The following MAD1L1 variants were observed in gnomAD, a reference collection of about 807,000 sequenced individuals.
MAD1L1 encodes the protein mitotic spindle assembly checkpoint protein MAD1.
MAD1L1 carries 95 observed loss-of-function variants against 96.9 expected under a neutral mutation model. The observed-to-expected ratio is 0.98, with a 90% CI of 0.83 to 1.16. MAD1L1 has a LOEUF of 1.16. MAD1L1 is among the 50% of genes most tolerant of loss of function. The pLI is 0.00. For missense variants in MAD1L1, 1,007 were observed against 954.4 expected (o/e 1.06, Z -0.73); for synonymous variants, 473 against 396.6 (o/e 1.19, Z -2.29).
intron 17 of MAD1L1, among the ~76,000 whole-genome samples, chr7:1,911,563 G>A (rs1200603153): frequency 6.6e-6 from 1 of 152,210 alleles, no homozygotes; most frequent in East Asian, 1.9e-4. Flanking sequence ...AATGTGGCGG[G>A]CACATTTGCC....
At chr7:2,125,401 G>A (rs1409401230) in intron 11 of MAD1L1, among the ~76,000 whole-genome samples, 1 of 152,172 alleles carries the variant, frequency 6.6e-6, no homozygotes, top group Non-Finnish European at 1.5e-5. Context: ...GGCCCCATGT[G>A]TCCCCCGGGC....
chr7:2,098,057 G>A (rs569732614), intron 11 of MAD1L1, among the ~76,000 whole-genome samples: 1 of 152,228 alleles, frequency 6.6e-6, no homozygotes, highest in Admixed American at 6.5e-5. Flanking sequence ...AATCACTCAT[G>A]CGGCGGCTCC....
intron 14 of MAD1L1, among the ~76,000 whole-genome samples, chr7:1,985,972 G>A (rs1781121963): frequency 6.6e-6 from 1 of 152,170 alleles, no homozygotes. Flanking sequence ...AATGTCCACC[G>A]TTTTTCTGTG....
intron 10 of MAD1L1, among the ~76,000 whole-genome samples, chr7:2,161,335 G>A (rs996986025): frequency 5.3e-5 from 8 of 152,032 alleles, no homozygotes; most frequent in South Asian, 4.2e-4. Context: ...CTCAGCTCCT[G>A]ACCGCGAGTG....
intron 11 of MAD1L1, chr7:2,079,745 C>G: frequency 2.1e-6 from 1 of 470,960 alleles, no homozygotes; most frequent in Non-Finnish European, 4.4e-6. Context: ...TGGGGAGCCC[C>G]GGCAAGCACG....
chr7:1,815,905 G>C lies in MAD1L1; in HGVS notation c.*165C>G. On this transcript the variant is annotated 3_prime_UTR_variant, in exon 19 of 19. Coordinates refer to ENST00000265854, the MANE Select transcript of MAD1L1 (RefSeq NM_001013836.2). ...TCTGCACGTGGAGAGGGTGCTGGCC[G>C]CCCCAGCAGGAAGCCCGACGTAGGT... is the stretch of plus-strand genomic sequence containing the variant. 1.3e-6 allele frequency: 1 copy of C among 794,410 alleles called. No homozygotes were observed. Among genetic ancestry groups the C allele is most frequent in the South Asian group, 1.9e-5 (1 of 53,232 alleles). The allele number at this position is 794,410 out of a possible 1,614,324, so 49.2% of individuals were successfully genotyped here.
At chr7:1,970,113 T>C (rs764303974) in intron 15 of MAD1L1, among the ~76,000 whole-genome samples, 1 of 152,102 alleles carries the variant, frequency 6.6e-6, no homozygotes, top group South Asian at 2.1e-4. Flanking sequence ...AAAGACTGCA[T>C]GTTGTAGGAC....
intron 11 of MAD1L1, among the ~76,000 whole-genome samples, chr7:2,084,797 G>A (rs576110884): frequency 3.3e-5 from 5 of 152,198 alleles, no homozygotes; most frequent in Non-Finnish European, 5.9e-5. Context: ...AAAAAGGAAG[G>A]AGCCGTGACA....
chr7:1,886,096 G>A (rs1786005737), intron 18 of MAD1L1, among the ~76,000 whole-genome samples: 1 of 152,224 alleles, frequency 6.6e-6, no homozygotes, highest in Non-Finnish European at 1.5e-5. Flanking sequence ...GAGACCCGTG[G>A]GCATGTTTAC....
chr7:1,895,110 C>CA (rs1786785292), intron 18 of MAD1L1, among the ~76,000 whole-genome samples: 1 of 152,244 alleles, frequency 6.6e-6, no homozygotes, highest in African/African-American at 2.4e-5. Context: ...AAGGTGTCTA[C>CA]AAGCGAGCTG....
chr7:1,957,471 C>T (rs2128473960), intron 16 of MAD1L1, among the ~76,000 whole-genome samples, 158 bp downstream of exon 16: 1 of 152,342 alleles, frequency 6.6e-6, no homozygotes, highest in South Asian at 2.1e-4. Context: ...GGCATGGCCT[C>T]CCTGCCAGGC....
At chr7:1,907,425 A>G (rs192696275) in intron 17 of MAD1L1, among the ~76,000 whole-genome samples, 149 of 152,330 alleles carry the variant, frequency 9.8e-4, no homozygotes, top group African/African-American at 3.1e-3. Flanking sequence ...CAGTTAACCA[A>G]TGTTGGGATT....
At chr7:2,196,896 C>T (rs1344642906) in intron 10 of MAD1L1, among the ~76,000 whole-genome samples, 1 of 152,234 alleles carries the variant, frequency 6.6e-6, no homozygotes, top group Non-Finnish European at 1.5e-5. Context: ...CCTCCCCACA[C>T]TTCGGGGCTG....
At chr7:1,924,198 G>C (rs1351660300) in intron 17 of MAD1L1, among the ~76,000 whole-genome samples, 1 of 152,232 alleles carries the variant, frequency 6.6e-6, no homozygotes, top group African/African-American at 2.4e-5. Context: ...ACTTTTCACA[G>C]TATCTTAGAG....
chr7:2,141,360 C>T (rs1395913328), intron 11 of MAD1L1, among the ~76,000 whole-genome samples: 1 of 152,262 alleles, frequency 6.6e-6, no homozygotes, highest in African/African-American at 2.4e-5. Flanking sequence ...GGGCTGGACC[C>T]CCTCTCAGGA....
At chr7:1,910,419 G>A (rs1344600507) in intron 17 of MAD1L1, among the ~76,000 whole-genome samples, 1 of 152,364 alleles carries the variant, frequency 6.6e-6, no homozygotes, top group South Asian at 2.1e-4. Flanking sequence ...CGCAGCAGCC[G>A]TCCGACGCGT....
chr7:2,199,609 G>A (rs1010055960), intron 10 of MAD1L1, among the ~76,000 whole-genome samples: 4 of 152,242 alleles, frequency 2.6e-5, no homozygotes, highest in African/African-American at 9.6e-5. Flanking sequence ...CTCCGCATCC[G>A]CGCCCCCGCA....
intron 18 of MAD1L1, among the ~76,000 whole-genome samples, chr7:1,833,921 T>A (rs1281813594): frequency 6.6e-6 from 1 of 152,222 alleles, no homozygotes; most frequent in Non-Finnish European, 1.5e-5. Context: ...CACTCCAGCC[T>A]GGGTGACAGA....
intron 2 of MAD1L1, 30 bp from the exon 3 acceptor site, chr7:2,230,173 G>A (rs1205638602): frequency 6.4e-6 from 10 of 1,556,488 alleles, no homozygotes; most frequent in Non-Finnish European, 7.8e-6. Context: ...GACTGGTCAG[G>A]GGCAGCCTTT....
Sources: gnomAD v4.1 joint callset for allele counts (sites outside exome capture counted in the v4.1 genomes callset) on GRCh38, gnomAD v4.1.1 for gene constraint, MANE v1.5 for transcripts, NCBI Gene and HGNC (gene_info 2026-07-23, HGNC 2026-07-21) for gene names.